Variants in LYPD6B observed in about 807,000 individuals in gnomAD.
The protein encoded by LYPD6B is LY6/PLAUR domain containing 6B, also known as ly6/PLAUR domain-containing protein 6B.
A neutral mutation model predicts 22.8 loss-of-function variants in LYPD6B; 17 were observed. The ratio of observed to expected loss-of-function variants is 0.75; its 90% confidence interval spans 0.51 to 1.12. The LOEUF is 1.12. Among genes scored for constraint, LYPD6B ranks in the 50% most tolerant of loss-of-function variants. The pLI is 0.00. For missense variants in LYPD6B, 221 were observed against 258.3 expected (o/e 0.86, Z 0.99); for synonymous variants, 106 against 91.6 (o/e 1.16, Z -0.90).
At chr2:149,072,166 A>C (rs899230389) in intron 1 of LYPD6B, among the ~76,000 whole-genome samples, 1 of 152,180 alleles carries the variant, frequency 6.6e-6, no homozygotes, top group Non-Finnish European at 1.5e-5. Context: ...TCCTGATCTC[A>C]AGTGATCTGC....
intron 3 of LYPD6B, among the ~76,000 whole-genome samples, chr2:149,172,262 C>G (rs1253369419): frequency 6.6e-6 from 1 of 152,122 alleles, no homozygotes; most frequent in African/African-American, 2.4e-5. Flanking sequence ...GGATAGCCAC[C>G]CCCGTGATTC....
At chr2:149,198,594 A>G (rs1033191408) in intron 3 of LYPD6B, among the ~76,000 whole-genome samples, 1 of 152,230 alleles carries the variant, frequency 6.6e-6, no homozygotes, top group Non-Finnish European at 1.5e-5. Context: ...TAGATTGAAA[A>G]TTGATTTGCA....
chr2:149,183,863 G>GTGTATA (rs1553498942), intron 3 of LYPD6B, among the ~76,000 whole-genome samples: 2 of 148,688 alleles, frequency 1.3e-5, no homozygotes, highest in Non-Finnish European at 3.0e-5. Context: ...GTGTGTGTGT[G>GTGTATA]TATATATATA....
At chr2:149,044,227 A>G (rs1683209932) in intron 1 of LYPD6B, among the ~76,000 whole-genome samples, 1 of 152,120 alleles carries the variant, frequency 6.6e-6, no homozygotes. Flanking sequence ...AAGAATTGAC[A>G]TCTTTACATT....
chr2:149,042,414 T>G (rs1683123717), intron 1 of LYPD6B, among the ~76,000 whole-genome samples: 1 of 152,190 alleles, frequency 6.6e-6, no homozygotes, highest in Non-Finnish European at 1.5e-5. Flanking sequence ...ATCCTCAATA[T>G]CTAGTTAGCA....
At chr2:149,166,865 C>G (rs1690458849) in intron 3 of LYPD6B, among the ~76,000 whole-genome samples, 1 of 152,106 alleles carries the variant, frequency 6.6e-6, no homozygotes, top group Non-Finnish European at 1.5e-5. Context: ...GAGACCCAAG[C>G]TGCAGACTGC....
chr2:149,041,118 A>C (rs2105243461), intron 1 of LYPD6B, among the ~76,000 whole-genome samples: 1 of 144,378 alleles, frequency 6.9e-6, no homozygotes, highest in African/African-American at 2.5e-5. Context: ...AAAAAAAAAA[A>C]GAAAATGAGA....
chr2:149,119,325 A>T (rs1325931549), intron 1 of LYPD6B, among the ~76,000 whole-genome samples: 2 of 152,252 alleles, frequency 1.3e-5, no homozygotes. Flanking sequence ...TCAAACCATC[A>T]GTTTAAAATT....
Position 149,214,844 on chromosome 2 carries a change from A to T in LYPD6B, c.*134A>T. The stretch of plus-strand genomic sequence containing the variant: ...CACATTGGACCTCAAGGCGAAAGCC[A>T]GTGGTTTGCTTGGATAAAATGTTCC... On this transcript the variant is annotated 3_prime_UTR_variant, in exon 7 of 7. Coordinates refer to ENST00000409642, the MANE Select transcript of LYPD6B (RefSeq NM_177964.5). 1.0e-6 allele frequency: 1 copy of T among 956,328 alleles called. No homozygotes were observed. Among genetic ancestry groups the T allele is most frequent in the Non-Finnish European group, 1.6e-6 (1 of 615,824 alleles). The allele number at this position is 956,328 out of a possible 1,614,324, so 59.2% of individuals were successfully genotyped here.
intron 1 of LYPD6B, among the ~76,000 whole-genome samples, chr2:149,097,618 C>T (rs779514533): frequency 1.4e-4 from 21 of 152,192 alleles, no homozygotes; most frequent in Non-Finnish European, 2.9e-4. Flanking sequence ...TAGCCTGTAA[C>T]ACGTTCCTCT....
At chr2:149,196,856 C>T (rs1037018777) in intron 3 of LYPD6B, among the ~76,000 whole-genome samples, 6 of 152,172 alleles carry the variant, frequency 3.9e-5, no homozygotes, top group Non-Finnish European at 5.9e-5. Flanking sequence ...AAAGTGCTAG[C>T]CATCACCTTA....
intron 3 of LYPD6B, among the ~76,000 whole-genome samples, chr2:149,183,959 G>A (rs1009983541): frequency 2.4e-4 from 37 of 151,692 alleles, no homozygotes; most frequent in African/African-American, 7.8e-4. Context: ...TTGGGAGGCC[G>A]AGGTGGGTGG....
chr2:149,092,464 G>C (rs1418681941), intron 1 of LYPD6B, among the ~76,000 whole-genome samples: 2 of 152,072 alleles, frequency 1.3e-5, no homozygotes, highest in East Asian at 3.9e-4. Flanking sequence ...GTAGCCCAAG[G>C]AGTAACATAT....
At position 149,187,609 on chromosome 2, in the gene LYPD6B, A is replaced by G. The variant is rs150451658; in HGVS notation, c.78-17644A>G. 348 of 1,215,434 alleles carry G rather than the reference A, an allele frequency of 2.9e-4. No individual in the cohort carries two copies. The African/African-American group carries it at 5.1e-3, about 18-fold the overall frequency. The allele number at this position is 1,215,434 out of a possible 1,614,324, so 75.3% of individuals were successfully genotyped here. ...GTGCCCCGTAAATATTGGTTGAGTA[A>G]CTGAATAAACGTATTTAGTAACTTA... On this transcript the variant is annotated intron_variant, in intron 3 of 6. Coordinates refer to ENST00000409642, the MANE Select transcript of LYPD6B (RefSeq NM_177964.5).
At chr2:149,169,643 AT>A (rs368605016) in intron 3 of LYPD6B, among the ~76,000 whole-genome samples, 24 of 151,932 alleles carry the variant, frequency 1.6e-4, no homozygotes, top group African/African-American at 5.3e-4. Flanking sequence ...CTTCTCTTCC[AT>A]TTTTCACCTA....
At chr2:149,040,904 T>A (rs1047697706) in intron 1 of LYPD6B, among the ~76,000 whole-genome samples, 1 of 152,222 alleles carries the variant, frequency 6.6e-6, no homozygotes, top group Non-Finnish European at 1.5e-5. Flanking sequence ...GCTCAACATA[T>A]GCCAGGGCCT....
chr2:149,042,611 T>C (rs1018984509), intron 1 of LYPD6B, among the ~76,000 whole-genome samples: 1 of 152,216 alleles, frequency 6.6e-6, no homozygotes. Flanking sequence ...ATTGAGCATC[T>C]ACTGTGTGCC....
chr2:149,056,452 T>C (rs1177327905), intron 1 of LYPD6B, among the ~76,000 whole-genome samples: 1 of 152,178 alleles, frequency 6.6e-6, no homozygotes, highest in Non-Finnish European at 1.5e-5. Context: ...TTTTGGGGTC[T>C]CAATGTGCTG....
At chr2:149,114,627 C>A (rs1686914888) in intron 1 of LYPD6B, among the ~76,000 whole-genome samples, 1 of 152,168 alleles carries the variant, frequency 6.6e-6, no homozygotes, top group African/African-American at 2.4e-5. Context: ...GTGATAGATG[C>A]AGAGACAGGA....
Sources: gnomAD v4.1 joint callset for allele counts (sites outside exome capture counted in the v4.1 genomes callset) on GRCh38, gnomAD v4.1.1 for gene constraint, MANE v1.5 for transcripts, NCBI Gene and HGNC (gene_info 2026-07-23, HGNC 2026-07-21) for gene names.